Variants in GPA33 observed in about 807,000 individuals in gnomAD.
The protein encoded by GPA33 is glycoprotein A33.
GPA33 carries 27 observed loss-of-function variants against 35.6 expected under a neutral mutation model. The ratio of observed to expected loss-of-function variants is 0.76; its 90% CI spans 0.56 to 1.04. The LOEUF (loss-of-function observed/expected upper bound fraction) is 1.04, where lower values mean the gene tolerates loss of function less well. Among genes scored for constraint, GPA33 ranks in the 50% least tolerant of loss-of-function variants. GPA33 has a pLI of 0.00. For synonymous variants in GPA33, 176 were observed against 164.0 expected, an observed-to-expected ratio of 1.07 and a Z score of -0.56; for missense variants, 428 against 411.9, an observed-to-expected ratio of 1.04 and a Z score of -0.34.
intron 1 of GPA33, among the ~76,000 whole-genome samples, chr1:167,079,723 C>A (rs1330059944): frequency 7.2e-5 from 11 of 152,198 alleles, no homozygotes. Context: ...CCCATTCAGT[C>A]AATATCCTCT....
rs16858387 is a variant in GPA33, at chr1:167,068,050, C to G, written c.415+872G>C. On this transcript the variant is annotated intron_variant, in intron 3 of 6. Transcript: ENST00000367868. ...TGCTTTCAAAACGTCAGGCAACCAC[C>G]TTATGCAATAAAAATATCTTAATTA... 3.3e-3 allele frequency among the ~76,000 whole-genome samples: 506 copies of G among 151,242 alleles called. 18 individuals are homozygous for G. In the East Asian group the frequency reaches 0.081, roughly 24 times the overall value.
chr1:167,089,507 C>T (rs1294062090), intron 1 of GPA33, among the ~76,000 whole-genome samples: 1 of 152,212 alleles, frequency 6.6e-6, no homozygotes, highest in Non-Finnish European at 1.5e-5. Flanking sequence ...CCTTCCAATG[C>T]CCAGCAAAAT....
intron 1 of GPA33, among the ~76,000 whole-genome samples, chr1:167,076,722 C>A (rs1204293597): frequency 1.3e-5 from 2 of 152,166 alleles, no homozygotes; most frequent in African/African-American, 4.8e-5. Context: ...GTCAAAAAAA[C>A]AGGTTTCCCC....
At chr1:167,056,937 T>C (rs1161791043) in intron 4 of GPA33, among the ~76,000 whole-genome samples, 2 of 110,970 alleles carry the variant, frequency 1.8e-5, no homozygotes, top group Non-Finnish European at 4.0e-5. Context: ...CTGTGTGTGG[T>C]GTGTGTGGCG....
intron 6 of GPA33, 134 bp from the exon 7 acceptor site, chr1:167,054,600 G>T: frequency 9.3e-7 from 1 of 1,077,488 alleles, no homozygotes; most frequent in Non-Finnish European, 1.3e-6. Flanking sequence ...AGGACACTGG[G>T]CTGAAAGGCT....
At chr1:167,087,902 A>G (rs1667085396) in intron 1 of GPA33, among the ~76,000 whole-genome samples, 1 of 148,786 alleles carries the variant, frequency 6.7e-6, no homozygotes, top group Non-Finnish European at 1.5e-5. Flanking sequence ...AGCAAGCCAG[A>G]CTCTGTCTCA....
At chr1:167,077,970 C>T (rs1186330054) in intron 1 of GPA33, among the ~76,000 whole-genome samples, 1 of 152,204 alleles carries the variant, frequency 6.6e-6, no homozygotes, top group Non-Finnish European at 1.5e-5. Context: ...TGACAGCTAA[C>T]AAATGGCAGA....
intron 3 of GPA33, among the ~76,000 whole-genome samples, 176 bp from the exon 4 acceptor site, chr1:167,063,913 C>T (rs991241430): frequency 4.0e-5 from 6 of 150,458 alleles, no homozygotes; most frequent in Non-Finnish European, 8.8e-5. Flanking sequence ...CCCAATATGG[C>T]CTCAGTGGTC....
At position 167,055,739 on chromosome 1, in the gene GPA33, C is replaced by G; in HGVS notation, c.682G>C (p.Val228Leu). 6.2e-7 allele frequency: 1 copy of G among 1,613,976 alleles called. No homozygotes were observed. Among genetic ancestry groups the G allele is most frequent in the Admixed American group, 1.7e-5 (1 of 60,030 alleles). The change falls in exon 5 of 7, where the codon GTC becomes CTC. Residue 228 changes from valine to leucine, a missense_variant. Val to Leu is a conservative substitution (Grantham distance 32). Coordinates refer to ENST00000367868, the MANE Select transcript of GPA33 (RefSeq NM_005814.3). Reference protein sequence around the residue: ...GTQFCNITVAVRSPSMNVALY... With the variant: ...GTQFCNITVALRSPSMNVALY... ...CGCAGGCTGCTCTTACGAGATCTGA[C>G]GGCCACCGTGATGTTGCAGAACTGC...
In GPA33 at chr1:167,069,096, G is replaced by A. The variant is rs2102186460; in HGVS notation, c.241C>T (p.His81Tyr). ...ACGCGATTCTTATAAAGCTCACCAT[G>A]GATGTAGTTTTTGTTTGAAAACGGC... ...IWPFSNKNYI[H>Y]GELYKNRVSI... The change falls in exon 3 of 7, where the codon CAT becomes TAT. Residue 81 changes from histidine (H) to tyrosine (Y), a missense_variant. Coordinates refer to ENST00000367868, the MANE Select transcript of GPA33 (RefSeq NM_005814.3). The A allele has an allele frequency of 6.2e-7, 1 of 1,613,980 alleles. No individual in the cohort carries two copies. The highest frequency in any genetic ancestry group is 8.5e-7 in the Non-Finnish European group (1 of 1,179,902).
intron 4 of GPA33, among the ~76,000 whole-genome samples, chr1:167,061,517 C>A (rs1666441302): frequency 2.0e-5 from 3 of 150,690 alleles, no homozygotes; most frequent in Non-Finnish European, 4.4e-5. Context: ...GTAAACACAA[C>A]TGGAAGCTTG....
At chr1:167,080,965 A>G (rs1666933823) in intron 1 of GPA33, among the ~76,000 whole-genome samples, 1 of 152,232 alleles carries the variant, frequency 6.6e-6, no homozygotes, top group Non-Finnish European at 1.5e-5. Context: ...AAATTGACCA[A>G]AAGTAAAATA....
intron 4 of GPA33, among the ~76,000 whole-genome samples, chr1:167,059,140 G>T (rs1211525502): frequency 6.6e-6 from 1 of 152,148 alleles, no homozygotes; most frequent in Non-Finnish European, 1.5e-5. Context: ...CAATGAGTCA[G>T]CGCTATCCTC....
At chr1:167,078,005 A>C (rs775352736) in intron 1 of GPA33, among the ~76,000 whole-genome samples, 1 of 152,246 alleles carries the variant, frequency 6.6e-6, no homozygotes, top group African/African-American at 2.4e-5. Flanking sequence ...CTTCAGATAG[A>C]GGCAGCCCTG....
At chr1:167,072,840 C>T (rs147968029) in intron 2 of GPA33, among the ~76,000 whole-genome samples, 6 of 151,514 alleles carry the variant, frequency 4.0e-5, no homozygotes, top group African/African-American at 1.5e-4. Flanking sequence ...TATCCATGCT[C>T]GTATATGCCC....
rs774773587 is a variant in GPA33, at chr1:167,054,368, G to A, written c.926C>T (p.Thr309Ile). Reference sequence around the variant, plus strand: ...GAGGTGGTCCGGGGATTCACGCCCAGTGCTCCTCTGCTCTTCTTGCCTGTA... The same window carrying A: ...GAGGTGGTCCGGGGATTCACGCCCAATGCTCCTCTGCTCTTCTTGCCTGTA... ...DDYRQEEQRSTGRESPDHLDQ is the reference protein window; with the variant it reads ...DDYRQEEQRSIGRESPDHLDQ Residue 309 changes from threonine to isoleucine, a missense_variant, in exon 7 of 7, where the codon ACT becomes ATT. By Grantham distance (89) the Thr-to-Ile change is moderately conservative (BLOSUM62 -1). Transcript: ENST00000367868. 2 of 1,614,000 alleles carry A rather than the reference G, an allele frequency of 1.2e-6. No individual in the cohort carries two copies. Among genetic ancestry groups the A allele is most frequent in the Non-Finnish European group, 1.7e-6 (2 of 1,180,012 alleles).
intron 1 of GPA33, chr1:167,078,550 C>G (rs1326611736): frequency 1.7e-4 from 26 of 152,196 alleles, no homozygotes; most frequent in Non-Finnish European, 1.5e-5. Flanking sequence ...CATCCCCTTC[C>G]AAGGAGGGCA....
At chr1:167,057,298 TG>T (rs913285096) in intron 4 of GPA33, among the ~76,000 whole-genome samples, 1 of 152,108 alleles carries the variant, frequency 6.6e-6, no homozygotes, top group African/African-American at 2.4e-5. Flanking sequence ...GCAAGAGCTT[TG>T]TGCTTGGGCA....
intron 1 of GPA33, among the ~76,000 whole-genome samples, chr1:167,083,226 A>G (rs1177859378): frequency 2.0e-5 from 3 of 152,212 alleles, no homozygotes; most frequent in African/African-American, 7.2e-5. Flanking sequence ...CTGTGGAGTA[A>G]TCCATCTCCC....
Sources: allele counts gnomAD v4.1 joint callset (sites outside exome capture counted in the v4.1 genomes callset), GRCh38; gene constraint gnomAD v4.1.1; transcripts MANE v1.5; gene names NCBI Gene and HGNC (gene_info 2026-07-23, HGNC 2026-07-21).